The following RAB7A variants were observed in gnomAD, a reference collection of about 807,000 sequenced individuals.
RAB7A encodes the protein ras-related protein Rab-7a.
RAB7A carries 2 observed loss-of-function variants against 24.5 expected under a neutral mutation model. That is an observed-to-expected ratio of 0.08 (90% CI 0.03 to 0.26). The LOEUF is 0.26. Among genes scored for constraint, RAB7A ranks in the 10% least tolerant of loss-of-function variants. RAB7A has a pLI of 1.00. For synonymous variants in RAB7A, 100 were observed against 95.9 expected, an observed-to-expected ratio of 1.04 and a Z score of -0.25; for missense variants, 118 against 255.7, an observed-to-expected ratio of 0.46 and a Z score of 3.67.
chr3:128,778,124 A>G (rs762678271), intron 1 of RAB7A, among the ~76,000 whole-genome samples: 2 of 152,174 alleles, frequency 1.3e-5, no homozygotes, highest in Non-Finnish European at 2.9e-5. Flanking sequence ...TGAAGAGTAT[A>G]TATTAATCCT....
intron 1 of RAB7A, among the ~76,000 whole-genome samples, chr3:128,734,007 C>A (rs1377421509): frequency 1.3e-5 from 2 of 152,188 alleles, no homozygotes; most frequent in African/African-American, 2.4e-5. Context: ...TTCTTTATGG[C>A]ACCATGGTAC....
intron 1 of RAB7A, among the ~76,000 whole-genome samples, chr3:128,786,732 A>G (rs1342832123): frequency 2.0e-5 from 3 of 152,210 alleles, no homozygotes; most frequent in Non-Finnish European, 4.4e-5. Context: ...AAAGACCATC[A>G]GCAGAATGAG....
At chr3:128,802,734 C>A (rs1933725668) in intron 3 of RAB7A, among the ~76,000 whole-genome samples, 1 of 151,554 alleles carries the variant, frequency 6.6e-6, no homozygotes, top group African/African-American at 2.4e-5. Flanking sequence ...GTCTTGATCT[C>A]TTGACCTCAT....
rs372977931 is a variant in RAB7A at position 128,773,233 on chromosome 3, C to T, written c.-8-22127C>T. On this transcript the variant is annotated intron_variant, in intron 1 of 5. Transcript: ENST00000265062. Reference sequence around the variant, plus strand: ...CCGTCTGGGATATGAGGAGCCCCTCCGCCCGGCAGCCGCCCCATCTGAGAA... The same window carrying T: ...CCGTCTGGGATATGAGGAGCCCCTCTGCCCGGCAGCCGCCCCATCTGAGAA... Among the ~76,000 whole-genome samples the T allele has an allele frequency of 2.3e-4, 35 of 150,962 alleles. 2 individuals are homozygous for T. Among genetic ancestry groups the T allele is most frequent in the East Asian group, 1.2e-3 (6 of 5,072 alleles).
At chr3:128,798,260 A>G (rs1487110887) in intron 3 of RAB7A, 191 bp downstream of exon 3, 4 of 605,794 alleles carry the variant, frequency 6.6e-6, no homozygotes, top group South Asian at 6.0e-5. Context: ...CTTCTAGTGT[A>G]TCTCAGATAC....
At chr3:128,751,958 T>A (rs1440021870) in intron 1 of RAB7A, among the ~76,000 whole-genome samples, 1 of 152,230 alleles carries the variant, frequency 6.6e-6, no homozygotes, top group African/African-American at 2.4e-5. Context: ...CATTCCTCTC[T>A]TTGCCTGCCA....
intron 1 of RAB7A, among the ~76,000 whole-genome samples, chr3:128,730,508 G>A (rs1360765459): frequency 3.3e-5 from 5 of 152,186 alleles, no homozygotes; most frequent in African/African-American, 9.7e-5. Flanking sequence ...AATTACAGGC[G>A]TGAGCCACCA....
intron 1 of RAB7A, among the ~76,000 whole-genome samples, chr3:128,778,005 C>CG (rs1384432580): frequency 6.6e-6 from 1 of 152,070 alleles, no homozygotes; most frequent in Non-Finnish European, 1.5e-5. Flanking sequence ...TGAACCACCG[C>CG]GCCTGGCCAA....
chr3:128,768,448 G>A (rs1035290242), intron 1 of RAB7A, among the ~76,000 whole-genome samples: 28 of 152,168 alleles, frequency 1.8e-4, no homozygotes, highest in Admixed American at 1.6e-3. Context: ...TAGCTGTTTC[G>A]GAGGGGAATG....
intron 1 of RAB7A, among the ~76,000 whole-genome samples, chr3:128,758,280 T>TTG (rs1183533627): frequency 4.0e-5 from 6 of 150,484 alleles, no homozygotes; most frequent in African/African-American, 1.5e-4. Flanking sequence ...TTTTGTTTTT[T>TTG]TTTTTTTTTT....
At chr3:128,794,202 CTG>C (rs900230708) in intron 1 of RAB7A, among the ~76,000 whole-genome samples, 14 of 152,296 alleles carry the variant, frequency 9.2e-5, no homozygotes, top group African/African-American at 2.9e-4. Context: ...CTTCTGGACT[CTG>C]TGTTCTGTTA....
chr3:128,797,690 G>A (rs977263974), intron 2 of RAB7A, among the ~76,000 whole-genome samples: 7 of 152,192 alleles, frequency 4.6e-5, no homozygotes, highest in Non-Finnish European at 1.0e-4. Context: ...TCTACCATTT[G>A]ACCTGGCTGT....
intron 3 of RAB7A, among the ~76,000 whole-genome samples, chr3:128,805,434 A>C (rs1933783883): frequency 6.6e-6 from 1 of 152,152 alleles, no homozygotes; most frequent in South Asian, 2.1e-4. Flanking sequence ...GATCTAGGGC[A>C]GTAAGTATAC....
At chr3:128,810,559 C>G (rs1036261396) in intron 5 of RAB7A, among the ~76,000 whole-genome samples, 2 of 152,188 alleles carry the variant, frequency 1.3e-5, no homozygotes, top group Non-Finnish European at 2.9e-5. Flanking sequence ...CTCACTGTGT[C>G]CCTCCCATGC....
intron 1 of RAB7A, among the ~76,000 whole-genome samples, chr3:128,763,712 C>T (rs552238172): frequency 3.3e-5 from 5 of 152,246 alleles, no homozygotes; most frequent in African/African-American, 1.2e-4. Context: ...TACTTTGGTG[C>T]CATGTGGATC....
intron 1 of RAB7A, among the ~76,000 whole-genome samples, chr3:128,742,667 T>C (rs958761062): frequency 1.3e-5 from 2 of 152,130 alleles, no homozygotes; most frequent in Non-Finnish European, 2.9e-5. Context: ...AGAGTGCTGA[T>C]TGGTGCGTTT....
chr3:128,804,855 T>C (rs1933767798), intron 3 of RAB7A, among the ~76,000 whole-genome samples: 1 of 152,222 alleles, frequency 6.6e-6, no homozygotes, highest in East Asian at 1.9e-4. Context: ...CAATATTTTC[T>C]TAAAAATAGG....
intron 3 of RAB7A, chr3:128,798,419 G>A (rs1415146691): frequency 1.8e-5 from 5 of 275,494 alleles, no homozygotes; most frequent in Non-Finnish European, 2.9e-5. Context: ...CTTGCCCAGT[G>A]CTTTAGGTAA....
rs1379979978 is a variant in RAB7A, at chr3:128,800,699, G to C, written c.180+2630G>C. Among the ~76,000 whole-genome samples, 3 of 152,214 alleles carry C rather than the reference G, an allele frequency of 2.0e-5. No homozygotes were observed. The East Asian group carries it at 5.8e-4, about 29-fold the overall frequency. On this transcript the variant is annotated intron_variant, in intron 3 of 5. Transcript: ENST00000265062. ...GTAGCAGCAGAGCCCAGCAGGCAGTGGGGTATGTTGGGAAAGAGACGGGCA... is the reference window on the plus strand; with the variant it reads ...GTAGCAGCAGAGCCCAGCAGGCAGTCGGGTATGTTGGGAAAGAGACGGGCA...
Sources: allele counts gnomAD v4.1 joint callset (sites outside exome capture counted in the v4.1 genomes callset), GRCh38; gene constraint gnomAD v4.1.1; transcripts MANE v1.5; gene names NCBI Gene and HGNC (gene_info 2026-07-23, HGNC 2026-07-21).